IGSF10: variants seen among roughly 807,000 people sequenced by gnomAD.
IGSF10 encodes calvaria mechanical force protein 608.
A neutral mutation model predicts 128.2 loss-of-function variants in IGSF10; 126 were observed. The observed-to-expected ratio is 0.98, with a 90% CI of 0.85 to 1.14. The LOEUF is 1.14. Among genes scored for constraint, IGSF10 ranks in the 50% most tolerant of loss-of-function variants. The pLI, the probability that IGSF10 is intolerant of heterozygous loss-of-function variation, is 0.00. For synonymous variants in IGSF10, 1,185 were observed against 1,146.2 expected, an observed-to-expected ratio of 1.03 and a Z score of -0.68; for missense variants, 3,295 against 3,149.8, an observed-to-expected ratio of 1.05 and a Z score of -1.10.
the IGSF10 span, among the ~76,000 whole-genome samples, chr3:151,479,359 G>A: frequency 2.0e-5 from 3 of 151,422 alleles, no homozygotes; most frequent in Non-Finnish European, 4.4e-5. Context: ...ACTTTTAAAC[G>A]TCTTTTAATT....
chr3:151,444,562 G>A (rs1668945499), intron 6 of IGSF10, among the ~76,000 whole-genome samples: 1 of 152,076 alleles, frequency 6.6e-6, no homozygotes, highest in African/African-American at 2.4e-5. Flanking sequence ...CACCCACCTT[G>A]GCCTCCCCAA....
chr3:151,615,128 A>AT, the IGSF10 span, among the ~76,000 whole-genome samples: 3 of 150,302 alleles, frequency 2.0e-5, no homozygotes, highest in African/African-American at 7.3e-5. Flanking sequence ...TGAAACCTCT[A>AT]TTTTGGGTCA....
chr3:151,617,363 C>T, the IGSF10 span, among the ~76,000 whole-genome samples: 782 of 141,822 alleles, frequency 5.5e-3, 12 homozygotes, highest in South Asian at 8.7e-3. Flanking sequence ...TCCTCCTTCT[C>T]CTTCTTCTCC....
the IGSF10 span, among the ~76,000 whole-genome samples, chr3:151,528,885 G>C: frequency 6.6e-6 from 1 of 150,530 alleles, no homozygotes; most frequent in Non-Finnish European, 1.5e-5. Flanking sequence ...GGGGGCTGAA[G>C]CCAGGGAGCC....
At chr3:151,525,047 AG>A in the IGSF10 span, among the ~76,000 whole-genome samples, 3 of 85,814 alleles carry the variant, frequency 3.5e-5, no homozygotes, top group African/African-American at 4.6e-5. Flanking sequence ...TTTTTTTTAA[AG>A]AGAGCCTTGC....
intron 7 of IGSF10, chr3:151,440,861 G>A (rs1351692482): frequency 1.1e-5 from 3 of 272,186 alleles, no homozygotes; most frequent in Admixed American, 8.2e-5. Flanking sequence ...TCCCTCATCA[G>A]CTGCATTAGA....
chr3:151,542,407 A>G, the IGSF10 span, among the ~76,000 whole-genome samples: 1 of 152,228 alleles, frequency 6.6e-6, no homozygotes, highest in African/African-American at 2.4e-5. Flanking sequence ...ACACAGAAGT[A>G]TATAGGGATA....
intron 5 of IGSF10, among the ~76,000 whole-genome samples, chr3:151,450,396 C>G (rs1721455895): frequency 6.6e-6 from 1 of 152,112 alleles, no homozygotes; most frequent in African/African-American, 2.4e-5. Context: ...TAGATAGGGT[C>G]AAATCTCCTT....
At chr3:151,614,946 A>T in the IGSF10 span, among the ~76,000 whole-genome samples, 2 of 152,104 alleles carry the variant, frequency 1.3e-5, no homozygotes, top group African/African-American at 4.8e-5. Context: ...TATCAATGAA[A>T]ATTGAAACTT....
At chr3:151,452,853 A>G (rs888134431) in intron 5 of IGSF10, among the ~76,000 whole-genome samples, 12 of 152,052 alleles carry the variant, frequency 7.9e-5, no homozygotes, top group Non-Finnish European at 1.3e-4. Context: ...ACTTCTCAGA[A>G]CGGCTGAGCA....
At chr3:151,544,562 A>G in the IGSF10 span, among the ~76,000 whole-genome samples, 2 of 152,164 alleles carry the variant, frequency 1.3e-5, no homozygotes, top group Non-Finnish European at 2.9e-5. Context: ...ACACTGCTCT[A>G]TATTTCATTC....
the IGSF10 span, among the ~76,000 whole-genome samples, chr3:151,558,009 T>TATATATA: frequency 1.9e-4 from 6 of 31,904 alleles, no homozygotes; most frequent in African/African-American, 3.4e-4. Context: ...ATATATAATA[T>TATATATA]ATATATATAA....
chr3:151,472,704 C>T, the IGSF10 span, among the ~76,000 whole-genome samples: 1 of 152,140 alleles, frequency 6.6e-6, no homozygotes, highest in African/African-American at 2.4e-5. Context: ...TCTGATATAA[C>T]TAAGTACTGC....
chr3:151,541,417 G>C, the IGSF10 span, among the ~76,000 whole-genome samples: 2 of 152,286 alleles, frequency 1.3e-5, no homozygotes, highest in South Asian at 4.1e-4. Context: ...AGATTAGCTA[G>C]CACACTAAAG....
intron 5 of IGSF10, among the ~76,000 whole-genome samples, chr3:151,452,600 A>C (rs970429169): frequency 6.6e-6 from 1 of 152,150 alleles, no homozygotes; most frequent in Non-Finnish European, 1.5e-5. Flanking sequence ...GTGTGTGCGC[A>C]TATGTATATG....
Position 151,443,157 on chromosome 3 carries a change from T to G in IGSF10, c.5790A>C (p.Val1930=). Residue 1930 remains valine (V), a synonymous_variant, in exon 7 of 8, where the codon GTA becomes GTC. Coordinates refer to ENST00000282466, the MANE Select transcript of IGSF10 (RefSeq NM_178822.5). ...TSSTGSERRV[V]MLTMEERVTS... ...TCACTCGCTCTTCCATTGTAAGCAT[T>G]ACTACTCTTCGCTCCGAACCAGTGG... 2 of 1,614,256 alleles carry G rather than the reference T, an allele frequency of 1.2e-6. No homozygotes were observed. The highest frequency in any genetic ancestry group is 3.3e-4 in the Middle Eastern group (2 of 6,062).
chr3:151,479,361 C>T, the IGSF10 span, among the ~76,000 whole-genome samples: 1 of 151,258 alleles, frequency 6.6e-6, no homozygotes, highest in Non-Finnish European at 1.5e-5. Context: ...TTTTAAACGT[C>T]TTTTAATTAA....
the IGSF10 span, among the ~76,000 whole-genome samples, chr3:151,608,668 C>T: frequency 6.6e-6 from 1 of 152,186 alleles, no homozygotes; most frequent in Admixed American, 6.5e-5. Flanking sequence ...AAAGGTCCTT[C>T]AGTCCTTCTT....
chr3:151,529,016 G>C, the IGSF10 span, among the ~76,000 whole-genome samples: 3 of 152,044 alleles, frequency 2.0e-5, no homozygotes, highest in Admixed American at 2.0e-4. Flanking sequence ...AGCTTGGTGG[G>C]GGAGGGGAGT....
Sources: gnomAD v4.1 joint callset for allele counts (sites outside exome capture counted in the v4.1 genomes callset) on GRCh38, gnomAD v4.1.1 for gene constraint, MANE v1.5 for transcripts, NCBI Gene and HGNC (gene_info 2026-07-23, HGNC 2026-07-21) for gene names.